PIK3C2G: variants seen among roughly 807,000 people sequenced by gnomAD.
PIK3C2G encodes the protein phosphatidylinositol 3-kinase C2 domain-containing subunit gamma.
In PIK3C2G, 168 loss-of-function variants were observed where a neutral mutation model predicts 181.1. The observed-to-expected ratio is 0.93, with a 90% confidence interval of 0.82 to 1.05. PIK3C2G has a LOEUF of 1.05. Among genes scored for constraint, PIK3C2G ranks in the 50% least tolerant of loss-of-function variants. PIK3C2G has a pLI of 0.00. For synonymous variants in PIK3C2G, 573 were observed against 592.2 expected, an observed-to-expected ratio of 0.97 and a Z score of 0.47; for missense variants, 1,869 against 1,732.8, an observed-to-expected ratio of 1.08 and a Z score of -1.40.
chr12:18,506,707 C>T (rs1050550995), intron 24 of PIK3C2G, among the ~76,000 whole-genome samples: 2 of 151,716 alleles, frequency 1.3e-5, no homozygotes, highest in Non-Finnish European at 2.9e-5. Context: ...TTCTTTAAGC[C>T]GAAAGTAAGG....
At chr12:18,635,302 T>C (rs1949542798) in intron 31 of PIK3C2G, among the ~76,000 whole-genome samples, 1 of 152,186 alleles carries the variant, frequency 6.6e-6, no homozygotes, top group African/African-American at 2.4e-5. Context: ...ATGGAAACCA[T>C]GGGAACTTGG....
At chr12:18,250,890 G>A (rs188541445) in intron 1 of PIK3C2G, among the ~76,000 whole-genome samples, 129 of 151,892 alleles carry the variant, frequency 8.5e-4, no homozygotes, top group African/African-American at 2.6e-3. Flanking sequence ...CAAAATATAC[G>A]TAAAATCAGA....
intron 1 of PIK3C2G, among the ~76,000 whole-genome samples, chr12:18,251,750 T>C (rs1948097436): frequency 6.6e-6 from 1 of 152,084 alleles, no homozygotes; most frequent in Non-Finnish European, 1.5e-5. Flanking sequence ...TTAAGGCTTT[T>C]CTATCATCTC....
intron 16 of PIK3C2G, among the ~76,000 whole-genome samples, chr12:18,403,359 T>C (rs1471416884): frequency 6.6e-6 from 1 of 152,166 alleles, no homozygotes; most frequent in Non-Finnish European, 1.5e-5. Context: ...AGTATTTCCA[T>C]TGTACTCATC....
intron 29 of PIK3C2G, among the ~76,000 whole-genome samples, chr12:18,587,617 G>T (rs996749413): frequency 6.6e-6 from 1 of 151,978 alleles, no homozygotes; most frequent in African/African-American, 2.4e-5. Flanking sequence ...CATTAAAATG[G>T]CCATACTGCT....
intron 4 of PIK3C2G, 71 bp from the exon 5 acceptor site, chr12:18,293,830 T>A: frequency 1.4e-6 from 1 of 718,588 alleles, no homozygotes; most frequent in Non-Finnish European, 2.5e-6. Context: ...TCATATTTTG[T>A]GCTCAAAAAC....
At chr12:18,546,471 A>G (rs1202533321) in intron 26 of PIK3C2G, 39 bp downstream of exon 26, 2 of 1,053,602 alleles carry the variant, frequency 1.9e-6, no homozygotes, top group Non-Finnish European at 2.9e-6. Flanking sequence ...GCATGCATGA[A>G]TGTACGCAGA....
chr12:18,631,554 A>G (rs1278147279), intron 31 of PIK3C2G, among the ~76,000 whole-genome samples: 1 of 152,198 alleles, frequency 6.6e-6, no homozygotes, highest in Non-Finnish European at 1.5e-5. Flanking sequence ...AAGCAGTCTT[A>G]TGGGAAGATT....
intron 22 of PIK3C2G, among the ~76,000 whole-genome samples, chr12:18,500,453 C>T (rs754361895): frequency 3.3e-5 from 5 of 152,172 alleles, no homozygotes; most frequent in Non-Finnish European, 7.4e-5. Context: ...CCTGTGCAGC[C>T]GAGCCTCCCC....
the PIK3C2G span, chr12:18,683,995 A>T: frequency 7.4e-6 from 8 of 1,085,290 alleles, no homozygotes; most frequent in Non-Finnish European, 1.1e-5. Context: ...ACAGAGAAAA[A>T]ATATGTGTCA....
the PIK3C2G span, among the ~76,000 whole-genome samples, chr12:18,690,987 A>G: frequency 6.6e-6 from 1 of 152,156 alleles, no homozygotes; most frequent in Non-Finnish European, 1.5e-5. Flanking sequence ...CTCTCCGGTC[A>G]ACTTGTGGAG....
chr12:18,390,600 A>G (rs1488210583), intron 14 of PIK3C2G, among the ~76,000 whole-genome samples: 3 of 152,144 alleles, frequency 2.0e-5, no homozygotes, highest in Non-Finnish European at 4.4e-5. Flanking sequence ...TTTTTTACTA[A>G]CACAACAGTT....
intron 22 of PIK3C2G, among the ~76,000 whole-genome samples, chr12:18,500,361 C>T (rs866268300): frequency 4.7e-4 from 71 of 152,328 alleles, no homozygotes; most frequent in African/African-American, 1.6e-3. Context: ...GATTTCTCGC[C>T]GGGCCTTAGC....
chr12:18,289,861 A>G (rs1949613461), intron 3 of PIK3C2G, among the ~76,000 whole-genome samples: 1 of 146,520 alleles, frequency 6.8e-6, no homozygotes, highest in African/African-American at 2.5e-5. Flanking sequence ...GAGAACCATG[A>G]GGTTTAGATG....
intron 28 of PIK3C2G, among the ~76,000 whole-genome samples, chr12:18,563,837 T>C (rs960853579): frequency 6.6e-6 from 1 of 151,908 alleles, no homozygotes; most frequent in Non-Finnish European, 1.5e-5. Context: ...AAAAATACAA[T>C]TGAAATTGAA....
In PIK3C2G at chr12:18,282,200, T is replaced by G. The variant is rs778510703; in HGVS notation, c.119T>G (p.Phe40Cys). The G allele has an allele frequency of 1.2e-6, 2 of 1,613,458 alleles. No individual in the cohort carries two copies. The highest frequency in any genetic ancestry group is 2.2e-5 in the East Asian group (1 of 44,840). The change falls in exon 2 of 33, where the codon TTT becomes TGT. Residue 40 changes from phenylalanine (F) to cysteine (C), a missense_variant. Physicochemically the swap from Phe to Cys is radical, Grantham distance 205. Coordinates refer to ENST00000538779, the MANE Select transcript of PIK3C2G (RefSeq NM_001288772.2). ...PHSSSQVSLGFDQIVDEISGK... is the reference protein window; with the variant it reads ...PHSSSQVSLGCDQIVDEISGK... ...TCTTCTAGCCAAGTCAGTCTGGGTT[T>G]TGATCAGATAGTAGATGAGATCAGT...
chr12:18,566,329 G>C (rs143292544), intron 28 of PIK3C2G, among the ~76,000 whole-genome samples: 1 of 152,158 alleles, frequency 6.6e-6, no homozygotes, highest in South Asian at 2.1e-4. Context: ...GTTCCTAAAA[G>C]GGTATACGTA....
At position 18,343,363 on chromosome 12, in the gene PIK3C2G, A is replaced by G; in HGVS notation, c.1429+3A>G. ...AAGTTCAGAGACTTCAGCAAAAGGT[A>G]AAACATACATGTACTCAAGTATTTT... On this transcript the variant is annotated splice_donor_region_variant and intron_variant, in intron 10 of 32. Coordinates refer to ENST00000538779, the MANE Select transcript of PIK3C2G (RefSeq NM_001288772.2). 1.5e-6 allele frequency: 2 copies of G among 1,320,782 alleles called. No homozygotes were observed. The highest frequency in any genetic ancestry group is 2.6e-5 in the South Asian group (2 of 76,118). The allele number at this position is 1,320,782 out of a possible 1,614,324, so 81.8% of individuals were successfully genotyped here. A position where few individuals can be genotyped will look rare whatever the true frequency, so the allele number is the denominator to read the frequency against.
chr12:18,663,778 A>G, the PIK3C2G span, among the ~76,000 whole-genome samples: 1 of 152,178 alleles, frequency 6.6e-6, no homozygotes, highest in South Asian at 2.1e-4. Flanking sequence ...AATGTTGTGC[A>G]TCTGAAAACA....
Sources: allele counts gnomAD v4.1 joint callset (sites outside exome capture counted in the v4.1 genomes callset), GRCh38; gene constraint gnomAD v4.1.1; transcripts MANE v1.5; gene names NCBI Gene and HGNC (gene_info 2026-07-23, HGNC 2026-07-21).